Variants in CECR2 observed in about 807,000 individuals in gnomAD.
CECR2 encodes chromatin remodeling regulator CECR2.
In CECR2, 30 loss-of-function variants were observed where a neutral mutation model predicts 154.5. The ratio of observed to expected loss-of-function variants is 0.19; its 90% CI spans 0.15 to 0.26. CECR2 has a LOEUF of 0.26. Among genes scored for constraint, CECR2 ranks in the 10% least tolerant of loss-of-function variants. The pLI is 1.00. For missense variants in CECR2, 1,743 were observed against 1,829.3 expected (o/e 0.95, Z 0.86); for synonymous variants, 725 against 683.7 (o/e 1.06, Z -0.94).
chr22:17,458,844 G>T (rs2054894005), intron 1 of CECR2, among the ~76,000 whole-genome samples: 1 of 152,140 alleles, frequency 6.6e-6, no homozygotes, highest in South Asian at 2.1e-4. Context: ...TACTCTGTGT[G>T]TCTAACCTAA....
intron 8 of CECR2, chr22:17,518,898 C>G (rs1003664614): frequency 4.1e-6 from 1 of 242,094 alleles, no homozygotes; most frequent in African/African-American, 2.3e-5. Context: ...CCCAAAAAAA[C>G]TTAGCAGAGA....
At chr22:17,440,682 T>A (rs2054571585) in intron 1 of CECR2, among the ~76,000 whole-genome samples, 1 of 152,152 alleles carries the variant, frequency 6.6e-6, no homozygotes, top group Admixed American at 6.5e-5. Context: ...AGCAAAGTGA[T>A]GTAAGAAAAC....
At chr22:17,522,020 G>A (rs1023629651) in intron 8 of CECR2, among the ~76,000 whole-genome samples, 2 of 152,044 alleles carry the variant, frequency 1.3e-5, no homozygotes, top group African/African-American at 4.8e-5. Context: ...TCCTTTCCCT[G>A]TTACTGGTTT....
At chr22:17,460,715 T>C (rs1043000206) in intron 1 of CECR2, among the ~76,000 whole-genome samples, 1 of 152,174 alleles carries the variant, frequency 6.6e-6, no homozygotes, top group South Asian at 2.1e-4. Flanking sequence ...TCATCCCCGG[T>C]ATCCTTATGT....
chr22:17,393,684 C>G (rs968754076), intron 1 of CECR2, among the ~76,000 whole-genome samples: 8 of 152,226 alleles, frequency 5.3e-5, no homozygotes, highest in South Asian at 2.1e-4. Flanking sequence ...CTGACTGGTT[C>G]TAGCCATCCT....
intron 7 of CECR2, among the ~76,000 whole-genome samples, chr22:17,510,848 G>A (rs992806950): frequency 6.6e-6 from 1 of 152,082 alleles, no homozygotes; most frequent in Non-Finnish European, 1.5e-5. Flanking sequence ...TTCGTGATCC[G>A]CTCACCTCGG....
rs527727081 is a variant in CECR2, at chr22:17,465,263, C to T, written c.127-12325C>T. ...CGCCCGCCTCGGCCTCCCAAAGTGC[C>T]GGGATTACAGGTGTGAGCCACTGCA... On this transcript the variant is annotated intron_variant, in intron 1 of 18. Transcript: ENST00000262608. Among the ~76,000 whole-genome samples, 5 of 151,940 alleles carry T rather than the reference C, an allele frequency of 3.3e-5. No individual in the cohort carries two copies. The East Asian group carries it at 5.9e-4, about 18-fold the overall frequency.
Position 17,447,033 on chromosome 22 carries a change from C to CTGTTTTTTTTTTTT in CECR2, c.127-30554_127-30553insGTTTTTTTTTTTTT, listed in dbSNP as rs1339121774. ...GAGTGCTGAGTGGTGCGTTTACAAT[C>CTGTTTTTTTTTTTT]TTTTTTTTTTTTTTTTTTTGAGACA... On this transcript the variant is annotated intron_variant, in intron 1 of 18. Transcript: ENST00000262608. Among the ~76,000 whole-genome samples, 670 of 113,986 alleles carry CTGTTTTTTTTTTTT rather than the reference C, an allele frequency of 5.9e-3. 60 individuals carry two copies. Among genetic ancestry groups the CTGTTTTTTTTTTTT allele is most frequent in the Middle Eastern group, 0.021 (4 of 190 alleles). The allele number at this position is 113,986 out of a possible 152,430, so 74.8% of individuals were successfully genotyped here.
rs12160713 is a variant in CECR2 at position 17,378,175 on chromosome 22, G to T, written c.126+8266G>T. Among the ~76,000 whole-genome samples, 143 of 151,474 alleles carry T rather than the reference G, an allele frequency of 9.4e-4. 1 individual carries two copies. The highest frequency in any genetic ancestry group is 3.3e-3 in the African/African-American group (136 of 41,234). Reference sequence around the variant, plus strand: ...ATTTTTTGTGTTTTTAGTAGAGACGGGGTTTCACCGTGTTAGCCAGGATGG... The same window carrying T: ...ATTTTTTGTGTTTTTAGTAGAGACGTGGTTTCACCGTGTTAGCCAGGATGG... On this transcript the variant is annotated intron_variant, in intron 1 of 18. Transcript: ENST00000262608.
chr22:17,509,353 T>TA (rs2055900404), intron 7 of CECR2, among the ~76,000 whole-genome samples: 1 of 152,040 alleles, frequency 6.6e-6, no homozygotes, highest in Admixed American at 6.6e-5. Context: ...CAAACCTGCT[T>TA]AAATTATGAC....
At chr22:17,381,717 TTG>T (rs1223603294) in intron 1 of CECR2, among the ~76,000 whole-genome samples, 1 of 152,072 alleles carries the variant, frequency 6.6e-6, no homozygotes, top group Non-Finnish European at 1.5e-5. Context: ...AGCAGTGGTA[TTG>T]TGAAACCTAT....
intron 1 of CECR2, among the ~76,000 whole-genome samples, chr22:17,471,777 CA>C (rs1370560009): frequency 1.3e-5 from 2 of 152,074 alleles, no homozygotes; most frequent in Non-Finnish European, 2.9e-5. Context: ...TCAGGTGATC[CA>C]CCTGCCTCAG....
In CECR2 at chr22:17,542,956, G is replaced by A. The variant is rs2056554239; in HGVS notation, c.2813G>A (p.Gly938Glu). The change falls in exon 16 of 19, where the codon GGG becomes GAG. Residue 938 changes from glycine to glutamate, a missense_variant. Gly to Glu is a moderately conservative substitution (Grantham distance 98). Around this residue, in one of 4 missense-constraint regions of CECR2, gnomAD observed 1,250 missense variants for 1,192.1 expected, o/e 1.05. Coordinates refer to ENST00000262608, the MANE Select transcript of CECR2 (RefSeq NM_001290047.2). ...SAPKPALGNP[G>E]RAPENSEAQE... The stretch of plus-strand genomic sequence containing the variant: ...CCCAAGCCTGCCCTGGGCAACCCTG[G>A]GAGGGCACCGGAGAACAGTGAAGCA... The A allele has an allele frequency of 1.2e-6, 2 of 1,613,278 alleles. No individual in the cohort carries two copies. The highest frequency in any genetic ancestry group is 1.7e-6 in the Non-Finnish European group (2 of 1,179,460).
intron 1 of CECR2, among the ~76,000 whole-genome samples, chr22:17,401,837 C>A (rs982887678): frequency 7.1e-6 from 1 of 141,818 alleles, no homozygotes; most frequent in Non-Finnish European, 1.5e-5. Flanking sequence ...CACCCCCCCC[C>A]GCCCCCGCTG....
chr22:17,421,031 A>G (rs531021488), intron 1 of CECR2, among the ~76,000 whole-genome samples: 2 of 152,338 alleles, frequency 1.3e-5, no homozygotes, highest in South Asian at 4.1e-4. Context: ...GTACACATCA[A>G]TGTATATAAT....
intron 2 of CECR2, among the ~76,000 whole-genome samples, chr22:17,480,419 T>TACACACACACAC (rs55977287): frequency 0.018 from 2,484 of 137,330 alleles, 39 homozygotes; most frequent in East Asian, 0.047. Flanking sequence ...TCATGTATAA[T>TACACACACACAC]ACACACACAC....
chr22:17,421,971 G>T (rs1403052960), intron 1 of CECR2, among the ~76,000 whole-genome samples: 4 of 149,276 alleles, frequency 2.7e-5, no homozygotes, highest in African/African-American at 9.9e-5. Context: ...AGGATTCTTT[G>T]TCAGGGTACA....
intron 18 of CECR2, 135 bp downstream of exon 18, chr22:17,552,277 C>G: frequency 1.4e-6 from 1 of 721,254 alleles, no homozygotes; most frequent in Admixed American, 2.7e-5. Context: ...ATCGTGCTTC[C>G]TTGGCACTTG....
intron 1 of CECR2, among the ~76,000 whole-genome samples, chr22:17,394,485 A>G (rs2146515475): frequency 6.6e-6 from 1 of 151,968 alleles, no homozygotes; most frequent in Non-Finnish European, 1.5e-5. Context: ...TTGAGCGTGA[A>G]CCACCACACC....
Sources: gnomAD v4.1 joint callset for allele counts (sites outside exome capture counted in the v4.1 genomes callset) on GRCh38, gnomAD v4.1.1 for gene constraint, gnomAD v4.1.1 regional missense constraint, MANE v1.5 for transcripts, NCBI Gene and HGNC (gene_info 2026-07-23, HGNC 2026-07-21) for gene names.